MSRA: variants seen among roughly 807,000 people sequenced by gnomAD.
MSRA encodes mitochondrial peptide methionine sulfoxide reductase.
Under a neutral mutation model 31.3 loss-of-function variants are expected in MSRA, and 54 were observed. That is an observed-to-expected ratio of 1.73 (90% CI 1.39 to 2.17). MSRA has a LOEUF of 2.17. Ranked by LOEUF, MSRA falls within the 30% of genes most tolerant of loss-of-function variation. The pLI, the probability that MSRA is intolerant of heterozygous loss-of-function variation, is 0.00. For missense variants in MSRA, 507 were observed against 300.9 expected (o/e 1.69, Z -5.07); for synonymous variants, 169 against 116.5 (o/e 1.45, Z -2.90).
chr8:10,343,304 G>C (rs1428287223), intron 5 of MSRA, among the ~76,000 whole-genome samples: 1 of 152,162 alleles, frequency 6.6e-6, no homozygotes, highest in African/African-American at 2.4e-5. Flanking sequence ...AGCTAAGATC[G>C]GATGTAATTA....
chr8:10,395,779 C>T (rs1355076004), intron 5 of MSRA, among the ~76,000 whole-genome samples: 2 of 152,148 alleles, frequency 1.3e-5, no homozygotes, highest in Non-Finnish European at 2.9e-5. Context: ...ATGAAACCTG[C>T]GTACGTCCTC....
intron 1 of MSRA, among the ~76,000 whole-genome samples, chr8:10,110,165 C>T (rs7826230): frequency 0.063 from 9,656 of 152,164 alleles, 999 homozygotes; most frequent in African/African-American, 0.22. Context: ...TCTTTGTCCA[C>T]GCTAACACCA....
intron 3 of MSRA, among the ~76,000 whole-genome samples, chr8:10,267,343 G>C (rs1448684781): frequency 6.6e-6 from 1 of 152,216 alleles, no homozygotes; most frequent in East Asian, 1.9e-4. Flanking sequence ...AGGGGAGGCT[G>C]CAGTGGCTGG....
chr8:10,325,083 G>A (rs1277475822), intron 5 of MSRA, among the ~76,000 whole-genome samples: 4 of 152,166 alleles, frequency 2.6e-5, no homozygotes, highest in African/African-American at 9.7e-5. Context: ...TGGGGCCACA[G>A]GGATCTAAAG....
At chr8:10,058,602 C>G (rs992160991) in intron 1 of MSRA, among the ~76,000 whole-genome samples, 1 of 152,106 alleles carries the variant, frequency 6.6e-6, no homozygotes, top group Non-Finnish European at 1.5e-5. Flanking sequence ...CAGATAATTC[C>G]AGAGCAGGAA....
At position 10,142,861 on chromosome 8, in the gene MSRA, G is replaced by A. The variant is rs561619288; in HGVS notation, c.143-64972G>A. Among the ~76,000 whole-genome samples the A allele has an allele frequency of 3.9e-5, 6 of 152,246 alleles. No individual in the cohort carries two copies. In the South Asian group the frequency reaches 1.2e-3, roughly 32 times the overall value. ...TGCCTGGTTTTTGAAATTATTTTGA[G>A]TAACTATTAGAAAATAATACTTTAA... On this transcript the variant is annotated intron_variant, in intron 1 of 5. Transcript: ENST00000317173.
At chr8:10,074,961 C>G (rs1797932434) in intron 1 of MSRA, among the ~76,000 whole-genome samples, 1 of 152,250 alleles carries the variant, frequency 6.6e-6, no homozygotes, top group Non-Finnish European at 1.5e-5. Context: ...GCCCGGCACC[C>G]TGTACTTCTT....
chr8:10,304,454 A>G (rs1322732279), intron 4 of MSRA, among the ~76,000 whole-genome samples: 3 of 152,258 alleles, frequency 2.0e-5, no homozygotes, highest in African/African-American at 7.2e-5. Context: ...CATTAAAGGC[A>G]AAAAACAAAC....
At chr8:10,120,624 G>C (rs1255086066) in intron 1 of MSRA, among the ~76,000 whole-genome samples, 1 of 152,234 alleles carries the variant, frequency 6.6e-6, no homozygotes, top group Non-Finnish European at 1.5e-5. Context: ...TGCTGGATGT[G>C]CTCAGGATAC....
At chr8:10,359,712 G>T (rs1563392008) in intron 5 of MSRA, among the ~76,000 whole-genome samples, 1 of 151,910 alleles carries the variant, frequency 6.6e-6, no homozygotes, top group African/African-American at 2.4e-5. Context: ...GATGGTCTCA[G>T]ATGGAGGATG....
intron 3 of MSRA, among the ~76,000 whole-genome samples, chr8:10,291,549 T>G (rs1800237454): frequency 6.6e-6 from 1 of 152,194 alleles, no homozygotes; most frequent in Non-Finnish European, 1.5e-5. Context: ...AATCACATTT[T>G]CTATCCGCAG....
intron 4 of MSRA, among the ~76,000 whole-genome samples, chr8:10,309,276 A>G (rs1801304366): frequency 6.6e-6 from 1 of 152,218 alleles, no homozygotes; most frequent in African/African-American, 2.4e-5. Context: ...CTGCATCTGT[A>G]ATAGTTTGTG....
At chr8:10,113,851 A>T (rs1800477484) in intron 1 of MSRA, among the ~76,000 whole-genome samples, 1 of 152,152 alleles carries the variant, frequency 6.6e-6, no homozygotes, top group Non-Finnish European at 1.5e-5. Flanking sequence ...TAATTATACA[A>T]TTCAGTGGTT....
intron 1 of MSRA, among the ~76,000 whole-genome samples, chr8:10,130,062 G>A (rs1419941132): frequency 6.6e-6 from 1 of 152,190 alleles, no homozygotes; most frequent in Non-Finnish European, 1.5e-5. Flanking sequence ...ACATGGGTGG[G>A]ATGTTGAAGG....
chr8:10,177,473 G>T (rs545000633), intron 1 of MSRA, among the ~76,000 whole-genome samples: 2 of 151,914 alleles, frequency 1.3e-5, no homozygotes, highest in East Asian at 3.9e-4. Flanking sequence ...TTTGAGTTCA[G>T]CGAGCTGGCT....
chr8:10,416,081 C>A (rs1266505276), intron 5 of MSRA, among the ~76,000 whole-genome samples: 1 of 152,112 alleles, frequency 6.6e-6, no homozygotes, highest in East Asian at 1.9e-4. Context: ...ACTTCTCCTG[C>A]CTGAGCCTGC....
Position 10,376,805 on chromosome 8 carries a change from T to C in MSRA, c.544-51343T>C, listed in dbSNP as rs181061568. On this transcript the variant is annotated intron_variant, in intron 5 of 5. Transcript: ENST00000317173. ...AAAGACAACTATACAAAGTTTGGTT[T>C]CATAAAGAGATTTTCATCTAGTGAA... 9.8e-4 allele frequency among the ~76,000 whole-genome samples: 150 copies of C among 152,338 alleles called. 2 individuals carry two copies. Among genetic ancestry groups the C allele is most frequent in the African/African-American group, 3.3e-3 (139 of 41,570 alleles).
chr8:10,168,300 C>G (rs1394551347), intron 1 of MSRA, among the ~76,000 whole-genome samples: 2 of 151,944 alleles, frequency 1.3e-5, no homozygotes, highest in Admixed American at 6.6e-5. Flanking sequence ...TGTGGAATTC[C>G]CAGTCTTCTA....
chr8:10,256,814 C>G (rs1798207859), intron 3 of MSRA, among the ~76,000 whole-genome samples: 1 of 152,060 alleles, frequency 6.6e-6, no homozygotes, highest in African/African-American at 2.4e-5. Context: ...GAGTTTCAGC[C>G]CAGTGGGAGT....
Sources: gnomAD v4.1 joint callset for allele counts (sites outside exome capture counted in the v4.1 genomes callset) on GRCh38, gnomAD v4.1.1 for gene constraint, MANE v1.5 for transcripts, NCBI Gene and HGNC (gene_info 2026-07-23, HGNC 2026-07-21) for gene names.